The following PCDHGA12 variants were observed in gnomAD, a reference collection of about 807,000 sequenced individuals.
The protein encoded by PCDHGA12 is protocadherin gamma subfamily A, 12.
In PCDHGA12, 43 loss-of-function variants were observed where a neutral mutation model predicts 61.1. The ratio of observed to expected loss-of-function variants is 0.70; its 90% CI spans 0.55 to 0.91. The LOEUF (loss-of-function observed/expected upper bound fraction) is 0.91. PCDHGA12 is among the 40% of genes least tolerant of loss of function. The pLI is 0.00. For synonymous variants in PCDHGA12, 520 were observed against 542.9 expected (o/e 0.96, Z 0.59); for missense variants, 1,236 against 1,227.7 (o/e 1.01, Z -0.10).
At chr5:141,435,215 C>G (rs4912753) in intron 1 of PCDHGA12, among the ~76,000 whole-genome samples, 81,908 of 151,924 alleles carry the variant, frequency 0.54, 24,122 homozygotes, top group African/African-American at 0.79. Flanking sequence ...AGTGAATTTA[C>G]TTTCTTTCAA....
chr5:141,452,278 T>C (rs1047687328), intron 1 of PCDHGA12, among the ~76,000 whole-genome samples: 1 of 152,226 alleles, frequency 6.6e-6, no homozygotes, highest in African/African-American at 2.4e-5. Context: ...AACCCTTTCT[T>C]ACTTTCTGAT....
chr5:141,488,128 G>T (rs1412334197), intron 1 of PCDHGA12, among the ~76,000 whole-genome samples: 1 of 152,226 alleles, frequency 6.6e-6, no homozygotes, highest in Non-Finnish European at 1.5e-5. Context: ...ACAGCAGAAA[G>T]AGGAGAGAAC....
At chr5:141,483,258 T>G (rs2099579023) in intron 1 of PCDHGA12, among the ~76,000 whole-genome samples, 1 of 137,930 alleles carries the variant, frequency 7.3e-6, no homozygotes, top group South Asian at 2.1e-4. Flanking sequence ...TCATGAGGTT[T>G]TTTTGTTTTA....
rs2097424370 is a variant in PCDHGA12, at chr5:141,431,859, C to G, written c.1100C>G (p.Ala367Gly). The change falls in exon 1 of 4, where the codon GCC becomes GGC. Residue 367 changes from alanine to glycine, a missense_variant. By Grantham distance (60) the Ala-to-Gly change is moderately conservative (BLOSUM62 0). Coordinates refer to ENST00000252085, the MANE Select transcript of PCDHGA12 (RefSeq NM_003735.3). The surrounding 1 kb of genome is among the most constrained non-coding windows in gnomAD (Gnocchi z 4.8). ...AACTCTCCCAGAGGGACATTAATTG[C>G]CCTTTTAAATGTAAATGACCAAGAT... is the stretch of plus-strand genomic sequence containing the variant. ...PENSPRGTLI[A>G]LLNVNDQDSE... The G allele has an allele frequency of 1.2e-6, 2 of 1,614,060 alleles. No individual in the cohort carries two copies. Among genetic ancestry groups the G allele is most frequent in the Middle Eastern group, 3.3e-4 (2 of 6,084 alleles).
At chr5:141,482,755 T>TGAAGTGGGAG (rs1554165462) in intron 1 of PCDHGA12, among the ~76,000 whole-genome samples, 1 of 143,580 alleles carries the variant, frequency 7.0e-6, no homozygotes, top group South Asian at 2.1e-4. Context: ...GGGATTATGG[T>TGAAGTGGGAG]ATTTCATTAT....
At chr5:141,451,945 C>T (rs906800803) in intron 1 of PCDHGA12, among the ~76,000 whole-genome samples, 1 of 151,970 alleles carries the variant, frequency 6.6e-6, no homozygotes, top group Non-Finnish European at 1.5e-5. Flanking sequence ...AGGGAAAGAC[C>T]GAGAAAGTGA....
chr5:141,489,297 G>T lies in PCDHGA12; in HGVS notation c.2425-5510G>T. On this transcript the variant is annotated intron_variant, in intron 1 of 3. Transcript: ENST00000252085. This position sits in a 1 kb window ranked among gnomAD's most constrained non-coding sequence, Gnocchi z 4.5. Reference sequence around the variant, plus strand: ...GGAAATGGCAAGTGCTGTGCATGTTGTCCTTGTGCTGCTGGGGCTGGGTGT... The same window carrying T: ...GGAAATGGCAAGTGCTGTGCATGTTTTCCTTGTGCTGCTGGGGCTGGGTGT... 1.9e-6 allele frequency: 3 copies of T among 1,583,774 alleles called. No homozygotes were observed. Among genetic ancestry groups the T allele is most frequent in the Non-Finnish European group, 8.6e-7 (1 of 1,164,904 alleles).
At chr5:141,452,193 GT>G (rs1375451557) in intron 1 of PCDHGA12, among the ~76,000 whole-genome samples, 1 of 151,990 alleles carries the variant, frequency 6.6e-6, no homozygotes, top group Non-Finnish European at 1.5e-5. Context: ...ACCTCAAATT[GT>G]TTTAGATGTT....
chr5:141,489,425 G>T lies in PCDHGA12; in HGVS notation c.2425-5382G>T, dbSNP rs779739693. 6.2e-7 allele frequency: 1 copy of T among 1,614,118 alleles called. No homozygotes were observed. The highest frequency in any genetic ancestry group is 8.5e-7 in the Non-Finnish European group (1 of 1,180,030). The stretch of plus-strand genomic sequence containing the variant: ...TTAAAGATGACAGATCTGTTGAGCC[G>T]GCGGCTGCAATTGGGCTCTGAGGAG... On this transcript the variant is annotated intron_variant, in intron 1 of 3. Transcript: ENST00000252085. This position sits in a 1 kb window ranked among gnomAD's most constrained non-coding sequence, Gnocchi z 4.5.
chr5:141,433,221 A>G, intron 1 of PCDHGA12, 38 bp downstream of exon 1: 1 of 1,475,672 alleles, frequency 6.8e-7, no homozygotes, highest in African/African-American at 1.4e-5. Context: ...TTTTTTTTTT[A>G]ATTGCTCTGT....
intron 1 of PCDHGA12, among the ~76,000 whole-genome samples, chr5:141,474,163 T>A (rs958292802): frequency 2.0e-5 from 3 of 152,178 alleles, no homozygotes; most frequent in Non-Finnish European, 2.9e-5. Flanking sequence ...ATGACAGGCC[T>A]TATTATTGAG....
intron 1 of PCDHGA12, among the ~76,000 whole-genome samples, chr5:141,444,770 C>A (rs1382748105): frequency 2.6e-5 from 4 of 152,078 alleles, no homozygotes; most frequent in African/African-American, 9.7e-5. Context: ...TTTCTATATT[C>A]TTGATCATGT....
chr5:141,435,104 G>A (rs1009839042), intron 1 of PCDHGA12, among the ~76,000 whole-genome samples: 1 of 151,968 alleles, frequency 6.6e-6, no homozygotes, highest in Non-Finnish European at 1.5e-5. Flanking sequence ...TTATCTAGGG[G>A]GGAGAAATCT....
chr5:141,453,077 T>C (rs2098755487), intron 1 of PCDHGA12, among the ~76,000 whole-genome samples: 1 of 152,090 alleles, frequency 6.6e-6, no homozygotes, highest in African/African-American at 2.4e-5. Context: ...CACACTCTGG[T>C]TGATTAGTAT....
At position 141,431,176 on chromosome 5, in the gene PCDHGA12, A is replaced by G; in HGVS notation, c.417A>G (p.Glu139=). The change falls in exon 1 of 4, where the codon GAA becomes GAG. Residue 139 remains glutamate (E), a synonymous_variant. Coordinates refer to ENST00000252085, the MANE Select transcript of PCDHGA12 (RefSeq NM_003735.3). The surrounding 1 kb of genome is among the most constrained non-coding windows in gnomAD (Gnocchi z 4.8). Reference sequence around the variant, plus strand: ...CTTACTTTCGTGAAAGTGAATTAGAAATAAAAATTAGTGAAAATGCAGCCA... The same window carrying G: ...CTTACTTTCGTGAAAGTGAATTAGAGATAAAAATTAGTGAAAATGCAGCCA... ...NAPYFRESEL[E]IKISENAATE... The G allele has an allele frequency of 1.2e-6, 2 of 1,614,212 alleles. No individual in the cohort carries two copies. Among genetic ancestry groups the G allele is most frequent in the Non-Finnish European group, 1.7e-6 (2 of 1,180,032 alleles).
chr5:141,494,182 C>T (rs188628485), intron 1 of PCDHGA12, among the ~76,000 whole-genome samples: 132 of 152,244 alleles, frequency 8.7e-4, no homozygotes, highest in African/African-American at 3.1e-3. Flanking sequence ...AGAAGTGTCC[C>T]GGGACTTGGA....
intron 1 of PCDHGA12, among the ~76,000 whole-genome samples, chr5:141,435,561 T>A (rs2154556722): frequency 6.6e-6 from 1 of 152,294 alleles, no homozygotes; most frequent in South Asian, 2.1e-4. Flanking sequence ...TGAGTGCTTT[T>A]TTTAGTACTG....
chr5:141,437,617 C>G (rs570138576), intron 1 of PCDHGA12, among the ~76,000 whole-genome samples: 1 of 152,220 alleles, frequency 6.6e-6, no homozygotes, highest in South Asian at 2.1e-4. Context: ...CTGCTTTATC[C>G]CCATATAAGA....
intron 1 of PCDHGA12, among the ~76,000 whole-genome samples, chr5:141,482,832 G>A (rs2099573281): frequency 6.6e-6 from 1 of 152,188 alleles, no homozygotes; most frequent in Non-Finnish European, 1.5e-5. Flanking sequence ...AGCACTTTGG[G>A]AGGCCAAGGT....
Sources: gnomAD v4.1 joint callset for allele counts (sites outside exome capture counted in the v4.1 genomes callset) on GRCh38, gnomAD v4.1.1 for gene constraint, Gnocchi (gnomAD v3.1) non-coding constraint, MANE v1.5 for transcripts, NCBI Gene and HGNC (gene_info 2026-07-23, HGNC 2026-07-21) for gene names.